Variants in SSR1 observed in about 807,000 individuals in gnomAD.
SSR1 encodes the protein translocon-associated protein subunit alpha.
Under a neutral mutation model 36.1 loss-of-function variants are expected in SSR1, and 13 were observed. The observed-to-expected ratio is 0.36, with a 90% CI of 0.23 to 0.57. SSR1 has a LOEUF of 0.57. SSR1 is among the 20% of genes least tolerant of loss of function. SSR1 has a pLI of 0.81. For synonymous variants in SSR1, 113 were observed against 118.9 expected, an observed-to-expected ratio of 0.95 and a Z score of 0.32; for missense variants, 291 against 338.5, an observed-to-expected ratio of 0.86 and a Z score of 1.10.
At chr6:7,309,001 T>C (rs1758128337) in intron 2 of SSR1, among the ~76,000 whole-genome samples, 1 of 152,260 alleles carries the variant, frequency 6.6e-6, no homozygotes, top group Non-Finnish European at 1.5e-5. Context: ...TAGACTCATG[T>C]CACCACGATC....
intron 6 of SSR1, chr6:7,297,003 T>A (rs1212631086): frequency 5.7e-6 from 1 of 176,224 alleles, no homozygotes; most frequent in Non-Finnish European, 1.2e-5. Context: ...AGAGGACAGC[T>A]TGAGCCCAGG....
chr6:7,312,669 C>A (rs1036618066), intron 1 of SSR1, among the ~76,000 whole-genome samples: 4 of 152,350 alleles, frequency 2.6e-5, no homozygotes, highest in South Asian at 4.1e-4. Flanking sequence ...AAAGAAACAG[C>A]CCGGCTGCGG....
intron 6 of SSR1, among the ~76,000 whole-genome samples, chr6:7,295,742 C>G (rs549879143): frequency 2.0e-5 from 3 of 152,158 alleles, no homozygotes. Flanking sequence ...ATATTCTCTT[C>G]TAGTCTTCCT....
At position 7,285,897 on chromosome 6, in the gene SSR1, G is replaced by C. The variant is rs1005613333; in HGVS notation, c.*3967C>G. The C allele has an allele frequency of 6.6e-6, 1 of 152,150 alleles. No homozygotes were observed. The highest frequency in any genetic ancestry group is 1.5e-5 in the Non-Finnish European group (1 of 68,026). The allele number at this position is 152,150 out of a possible 1,614,324, so 9.4% of individuals were successfully genotyped here. A position where few individuals can be genotyped will look rare whatever the true frequency, so the allele number is the denominator to read the frequency against. ...CTGTTCATCAAGGAGACATTTAAAG[G>C]TATGTCATTAACAGAAATTTAAAAG... On this transcript the variant is annotated 3_prime_UTR_variant, in exon 8 of 8. Transcript: ENST00000244763. The surrounding 1 kb of genome is among the most constrained non-coding windows in gnomAD (Gnocchi z 4.1).
Position 7,295,316 on chromosome 6 carries a change from T to A in SSR1, c.793+76A>T. ...GTTAAATAGTACTGAAAAAGTTTTT[T>A]TTTTAAACTAAATCTAAGGTATTTA... On this transcript the variant is annotated intron_variant, in intron 7 of 7. Coordinates refer to ENST00000244763, the MANE Select transcript of SSR1 (RefSeq NM_003144.5). The A allele has an allele frequency of 1.1e-5, 14 of 1,298,466 alleles. 1 individual carries two copies. The highest frequency in any genetic ancestry group is 1.9e-4 in the Middle Eastern group (1 of 5,162). The allele number at this position is 1,298,466 out of a possible 1,614,324, so 80.4% of individuals were successfully genotyped here.
In SSR1 at chr6:7,282,338, G is replaced by A. The variant is rs766227768; in HGVS notation, c.*7526C>T. 6.6e-6 allele frequency: 1 copy of A among 152,292 alleles called. No individual in the cohort carries two copies. The highest frequency in any genetic ancestry group is 1.5e-5 in the Non-Finnish European group (1 of 68,152). The allele number at this position is 152,292 out of a possible 1,614,324, so 9.4% of individuals were successfully genotyped here. ...GAGGTGTCCAATTAGACGGGCACAA[G>A]AGAAAAACAGCCAGAGACCGAGAAA... On this transcript the variant is annotated 3_prime_UTR_variant, in exon 8 of 8. Transcript: ENST00000244763.
intron 2 of SSR1, among the ~76,000 whole-genome samples, chr6:7,306,919 T>C (rs1270767333): frequency 2.1e-5 from 1 of 47,432 alleles, no homozygotes; most frequent in East Asian, 8.9e-4. Flanking sequence ...TCTGTCTGGG[T>C]GGTGGGGGGG....
Position 7,297,905 on chromosome 6 carries a change from G to A in SSR1, c.699+18C>T, listed in dbSNP as rs558791559. ...AACTTTTGAAACACGGCTGTAAGAG[G>A]TGTTCATCCATAATTACCTTTCTAG... On this transcript the variant is annotated intron_variant, in intron 6 of 7. Coordinates refer to ENST00000244763, the MANE Select transcript of SSR1 (RefSeq NM_003144.5). 13 of 1,601,826 alleles carry A rather than the reference G, an allele frequency of 8.1e-6. No homozygotes were observed. The highest frequency in any genetic ancestry group is 1.1e-5 in the Non-Finnish European group (13 of 1,169,942).
At chr6:7,306,745 T>C (rs932809521) in intron 2 of SSR1, among the ~76,000 whole-genome samples, 6 of 151,430 alleles carry the variant, frequency 4.0e-5, no homozygotes, top group Admixed American at 6.6e-5. Flanking sequence ...TGAAACCCCG[T>C]CTCTACTAAA....
chr6:7,292,440 C>G (rs1395450789), intron 7 of SSR1, among the ~76,000 whole-genome samples: 2 of 152,224 alleles, frequency 1.3e-5, no homozygotes, highest in Non-Finnish European at 2.9e-5. Flanking sequence ...ACCACTGCCT[C>G]TGCTTAGGCC....
In SSR1 at chr6:7,289,847, G is replaced by T; in HGVS notation, c.*17C>A. ...GGGCAGGTTAAGTAAAGACCGAATT[G>T]TTGCACAAAGGAACATTTACTCATC... On this transcript the variant is annotated 3_prime_UTR_variant, in exon 8 of 8. Transcript: ENST00000244763. The T allele has an allele frequency of 1.3e-6, 2 of 1,567,976 alleles. No individual in the cohort carries two copies. Among genetic ancestry groups the T allele is most frequent in the Non-Finnish European group, 1.7e-6 (2 of 1,163,638 alleles).
At chr6:7,305,138 C>T (rs1386122986) in intron 2 of SSR1, among the ~76,000 whole-genome samples, 4 of 151,988 alleles carry the variant, frequency 2.6e-5, no homozygotes. Context: ...AAGAGAAATC[C>T]CTGATATCTG....
Position 7,285,766 on chromosome 6 carries a change from A to C in SSR1, c.*4098T>G, listed in dbSNP as rs1757539478. ...CTAGTACTATCTGGTTCTGTAACCC[A>C]AGAGCAGATACTTCACTCTTACCTT... On this transcript the variant is annotated 3_prime_UTR_variant, in exon 8 of 8. Coordinates refer to ENST00000244763, the MANE Select transcript of SSR1 (RefSeq NM_003144.5). The surrounding 1 kb of genome is among the most constrained non-coding windows in gnomAD (Gnocchi z 4.1). The C allele has an allele frequency of 6.6e-6, 1 of 152,230 alleles. No homozygotes were observed. Among genetic ancestry groups the C allele is most frequent in the Non-Finnish European group, 1.5e-5 (1 of 68,028 alleles). 9.4% of individuals were successfully genotyped at this position (152,230 alleles called of 1,614,324 possible).
Position 7,303,647 on chromosome 6 carries a change from A to T in SSR1, c.193-10T>A, listed in dbSNP as rs1020815613. On this transcript the variant is annotated splice_polypyrimidine_tract_variant and intron_variant, in intron 2 of 7. Transcript: ENST00000244763. ...CCTCTTTATCTTCTACCTAAGAAAA[A>T]GAACAATTAAGAGGAGATTACTATG... 6.3e-7 allele frequency: 1 copy of T among 1,589,978 alleles called. No homozygotes were observed. The highest frequency in any genetic ancestry group is 8.6e-7 in the Non-Finnish European group (1 of 1,162,112).
rs934001567 is a variant in SSR1 at position 7,281,794 on chromosome 6, A to G, written c.*8070T>C. ...TTATGGAGAGAAGCAAGCACCTGTG[A>G]TTTGTTGGTTTGGCGTTACAATAAA... On this transcript the variant is annotated 3_prime_UTR_variant, in exon 8 of 8. Coordinates refer to ENST00000244763, the MANE Select transcript of SSR1 (RefSeq NM_003144.5). 4.6e-5 allele frequency: 7 copies of G among 152,214 alleles called. No individual in the cohort carries two copies. Among genetic ancestry groups the G allele is most frequent in the Admixed American group, 4.6e-4 (7 of 15,278 alleles). The allele number at this position is 152,214 out of a possible 1,614,324, so 9.4% of individuals were successfully genotyped here. A position where few individuals can be genotyped will look rare whatever the true frequency, so the allele number is the denominator to read the frequency against.
rs7763680 is a variant in SSR1 at position 7,310,104 on chromosome 6, G to T, written c.80-75C>A. The stretch of plus-strand genomic sequence containing the variant: ...ATTTCTTTTTTTAACATCAGGTATA[G>T]GCAAAAAAAACTTCCCTTGGACTAA... On this transcript the variant is annotated intron_variant, in intron 1 of 7. Transcript: ENST00000244763. 1.1e-3 allele frequency: 1,399 copies of T among 1,278,814 alleles called. 18 individuals carry two copies. The African/African-American group carries it at 0.017, about 16-fold the overall frequency. The allele number at this position is 1,278,814 out of a possible 1,614,324, so 79.2% of individuals were successfully genotyped here. A position where few individuals can be genotyped will look rare whatever the true frequency, so the allele number is the denominator to read the frequency against.
rs529623381 is a variant in SSR1 at position 7,290,451 on chromosome 6, T to C, written c.794-520A>G. ...TCAGTAGGGTCTATTTAACAGAAAA[T>C]ACATTTGTGGTGGGTTTTTCTACTT... is the stretch of plus-strand genomic sequence containing the variant. On this transcript the variant is annotated intron_variant, in intron 7 of 7. Transcript: ENST00000244763. Among the ~76,000 whole-genome samples the C allele has an allele frequency of 4.5e-4, 69 of 152,322 alleles. 2 individuals are homozygous for C. In the South Asian group the frequency reaches 0.013, roughly 28 times the overall value.
intron 6 of SSR1, chr6:7,297,206 C>A (rs1581630569): frequency 2.9e-5 from 3 of 101,910 alleles, no homozygotes; most frequent in South Asian, 2.2e-4. Context: ...ATGAAAGAGC[C>A]AGACTGTCTC....
intron 4 of SSR1, among the ~76,000 whole-genome samples, chr6:7,300,068 A>T (rs555684950): frequency 6.6e-6 from 1 of 152,324 alleles, no homozygotes; most frequent in South Asian, 2.1e-4. Flanking sequence ...ACTCAAAAAC[A>T]AGCTAAAATC....
Sources: gnomAD v4.1 joint callset for allele counts (sites outside exome capture counted in the v4.1 genomes callset) on GRCh38, gnomAD v4.1.1 for gene constraint, Gnocchi (gnomAD v3.1) non-coding constraint, MANE v1.5 for transcripts, NCBI Gene and HGNC (gene_info 2026-07-23, HGNC 2026-07-21) for gene names.